Variants in GLI3 observed in about 807,000 individuals in gnomAD.
GLI3 encodes GLI family zinc finger 3, also known as transcription activator GLI3.
Under a neutral mutation model 100.8 loss-of-function variants are expected in GLI3, and 20 were observed. That is an observed-to-expected ratio of 0.20 (90% CI 0.14 to 0.29). The LOEUF is 0.29. Ranked by LOEUF, GLI3 falls within the 10% of genes least tolerant of loss-of-function variation. GLI3 has a pLI of 1.00. For synonymous variants in GLI3, 938 were observed against 860.5 expected (o/e 1.09, Z -1.58); for missense variants, 2,040 against 2,128.5 (o/e 0.96, Z 0.82).
At chr7:42,180,313 T>C (rs149448720) in intron 2 of GLI3, among the ~76,000 whole-genome samples, 1 of 152,076 alleles carries the variant, frequency 6.6e-6, no homozygotes, top group African/African-American at 2.4e-5. Context: ...GCAGCTTTTG[T>C]GGAACAAGTG....
Position 41,965,088 on chromosome 7 carries a change from CGAG to C in GLI3, c.3982_3984del (p.Leu1328del). The C allele has an allele frequency of 6.2e-7, 1 of 1,613,794 alleles. No individual in the cohort carries two copies. The highest frequency in any genetic ancestry group is 8.5e-7 in the Non-Finnish European group (1 of 1,180,014). On this transcript the variant is annotated inframe_deletion, in exon 15 of 15. Transcript: ENST00000395925. ...GCCCCCGGGTGCTGCATGCTGTCGC[CGAG>C]GAGCTGGTGAGCCAGGTACCCCTGT...
intron 1 of GLI3, among the ~76,000 whole-genome samples, chr7:42,256,806 G>A (rs1789089707): frequency 6.6e-6 from 1 of 152,104 alleles, no homozygotes; most frequent in African/African-American, 2.4e-5. Flanking sequence ...GTTTGCTAAT[G>A]TCTACAGAAA....
At chr7:42,263,905 A>T (rs543649489) in intron 1 of GLI3, among the ~76,000 whole-genome samples, 5 of 152,332 alleles carry the variant, frequency 3.3e-5, no homozygotes, top group African/African-American at 1.2e-4. Context: ...CCACAACAAA[A>T]CAGAATAGCT....
chr7:42,176,985 C>T (rs752070686), intron 2 of GLI3, among the ~76,000 whole-genome samples: 5 of 152,204 alleles, frequency 3.3e-5, no homozygotes, highest in Non-Finnish European at 7.3e-5. Context: ...GGCCTTCTCA[C>T]GGAGCTAAGA....
chr7:41,971,862 C>G (rs1367553113), intron 13 of GLI3, among the ~76,000 whole-genome samples: 1 of 152,196 alleles, frequency 6.6e-6, no homozygotes, highest in Non-Finnish European at 1.5e-5. Context: ...GTCCGTCCCT[C>G]TCCTGAATCC....
At chr7:42,120,140 G>C (rs1301428711) in intron 3 of GLI3, among the ~76,000 whole-genome samples, 1 of 152,172 alleles carries the variant, frequency 6.6e-6, no homozygotes, top group African/African-American at 2.4e-5. Context: ...GCGACATTTT[G>C]ACTTTAGCAG....
chr7:42,214,022 T>C (rs1788322881), intron 2 of GLI3, among the ~76,000 whole-genome samples: 1 of 152,228 alleles, frequency 6.6e-6, no homozygotes, highest in Admixed American at 6.5e-5. Flanking sequence ...AAAAGTTTAT[T>C]ATGGGAAATA....
intron 3 of GLI3, among the ~76,000 whole-genome samples, chr7:42,087,505 C>T (rs753137928): frequency 2.0e-5 from 3 of 152,214 alleles, no homozygotes; most frequent in Non-Finnish European, 2.9e-5. Flanking sequence ...CTGATGGGCG[C>T]TCAGCAATCA....
chr7:42,048,304 G>C (rs1414842937), intron 5 of GLI3, among the ~76,000 whole-genome samples, 187 bp downstream of exon 5: 1 of 152,122 alleles, frequency 6.6e-6, no homozygotes, highest in East Asian at 1.9e-4. Flanking sequence ...TGAAAATGGA[G>C]ATAATAACAC....
chr7:42,059,677 G>A (rs529572707), intron 4 of GLI3, among the ~76,000 whole-genome samples: 17 of 152,334 alleles, frequency 1.1e-4, no homozygotes, highest in African/African-American at 3.4e-4. Flanking sequence ...TTGAATGGGC[G>A]ATGGAGAGCT....
intron 10 of GLI3, among the ~76,000 whole-genome samples, chr7:42,018,105 C>A (rs79323553): frequency 2.6e-5 from 4 of 152,174 alleles, no homozygotes; most frequent in Non-Finnish European, 5.9e-5. Context: ...CCCTCACACA[C>A]CCTCGCAATC....
intron 2 of GLI3, among the ~76,000 whole-genome samples, chr7:42,212,475 C>T (rs530954848): frequency 9.2e-5 from 14 of 152,254 alleles, no homozygotes; most frequent in Admixed American, 3.3e-4. Context: ...ATAAAGAAGA[C>T]TCCATTTCTT....
chr7:42,197,750 G>A (rs1787957060), intron 2 of GLI3, among the ~76,000 whole-genome samples: 1 of 152,184 alleles, frequency 6.6e-6, no homozygotes, highest in South Asian at 2.1e-4. Context: ...AGGAGAGTCA[G>A]CGCCTGCTCA....
At chr7:42,090,481 G>A (rs576201587) in intron 3 of GLI3, among the ~76,000 whole-genome samples, 23 of 152,272 alleles carry the variant, frequency 1.5e-4, no homozygotes, top group African/African-American at 3.8e-4. Context: ...AGAAGTCACC[G>A]TTCCTTCTAA....
intron 2 of GLI3, among the ~76,000 whole-genome samples, chr7:42,182,426 C>T (rs1787610957): frequency 6.6e-6 from 1 of 151,052 alleles, no homozygotes; most frequent in Admixed American, 6.6e-5. Context: ...TGCTTTATAT[C>T]CTTGCTTTAA....
chr7:42,100,020 A>C (rs912342923), intron 3 of GLI3, among the ~76,000 whole-genome samples: 10 of 152,264 alleles, frequency 6.6e-5, no homozygotes, highest in African/African-American at 2.4e-4. Flanking sequence ...TCATTGGATA[A>C]TGTGTTTATA....
At chr7:41,983,148 T>C (rs1399636330) in intron 10 of GLI3, among the ~76,000 whole-genome samples, 3 of 152,238 alleles carry the variant, frequency 2.0e-5, no homozygotes, top group Admixed American at 6.5e-5. Context: ...CTATGGGCCA[T>C]TGACTGCTAA....
At chr7:42,100,645 G>A (rs1342273698) in intron 3 of GLI3, among the ~76,000 whole-genome samples, 1 of 152,116 alleles carries the variant, frequency 6.6e-6, no homozygotes, top group Non-Finnish European at 1.5e-5. Context: ...GGGAGGCTGA[G>A]GTGGCAGGAT....
upstream of GLI3, chr7:42,237,713 G>C (rs1788845639): frequency 6.6e-6 from 1 of 152,028 alleles, no homozygotes; most frequent in Non-Finnish European, 1.5e-5. Flanking sequence ...CGGAGGGGAC[G>C]CGCTGAGCAG....
Sources: allele counts gnomAD v4.1 joint callset (sites outside exome capture counted in the v4.1 genomes callset), GRCh38; gene constraint gnomAD v4.1.1; transcripts MANE v1.5; gene names NCBI Gene and HGNC (gene_info 2026-07-23, HGNC 2026-07-21).